The following CEP95 variants were observed in gnomAD, a reference collection of about 807,000 sequenced individuals.
The protein encoded by CEP95 is centrosomal protein 95.
CEP95 carries 98 observed loss-of-function variants against 111.2 expected under a neutral mutation model. That is an observed-to-expected ratio of 0.88 (90% CI 0.75 to 1.04). CEP95 has a LOEUF of 1.04. Among genes scored for constraint, CEP95 ranks in the 50% least tolerant of loss-of-function variants. CEP95 has a pLI of 0.00. For synonymous variants in CEP95, 323 were observed against 327.1 expected, an observed-to-expected ratio of 0.99 and a Z score of 0.14; for missense variants, 1,027 against 977.2, an observed-to-expected ratio of 1.05 and a Z score of -0.68.
chr17:64,509,998 A>G (rs1444664825), intron 2 of CEP95, among the ~76,000 whole-genome samples, 175 bp from the exon 3 acceptor site: 1 of 152,158 alleles, frequency 6.6e-6, no homozygotes, highest in African/African-American at 2.4e-5. Flanking sequence ...TCAACCAGTA[A>G]AGATTCTGCT....
At chr17:64,512,981 C>G (rs2038971360) in intron 3 of CEP95, among the ~76,000 whole-genome samples, 1 of 152,118 alleles carries the variant, frequency 6.6e-6, no homozygotes, top group Non-Finnish European at 1.5e-5. Flanking sequence ...AAAACAGTTT[C>G]TCCTGCAGCA....
At chr17:64,509,905 CTATA>C (rs149675660) in intron 2 of CEP95, among the ~76,000 whole-genome samples, 2 of 149,034 alleles carry the variant, frequency 1.3e-5, no homozygotes, top group Admixed American at 6.7e-5. Context: ...ATCTATATAT[CTATA>C]TATATATATA....
At position 64,508,194 on chromosome 17, in the gene CEP95, C is replaced by T. The variant is rs2038678317; in HGVS notation, c.20-398C>T. The T allele has an allele frequency of 3.0e-6, 3 of 985,290 alleles. No homozygotes were observed. In the South Asian group the frequency reaches 1.4e-4, roughly 46 times the overall value. The allele number at this position is 985,290 out of a possible 1,614,324, so 61.0% of individuals were successfully genotyped here. On this transcript the variant is annotated intron_variant, in intron 1 of 19. Transcript: ENST00000556440. ...ACTATTGCAAGTGCGAAGCAGCCTC[C>T]ATTAATGAGTTTCTGGTAACCTCGG... is the stretch of plus-strand genomic sequence containing the variant.
chr17:64,533,083 T>A (rs782042230), intron 15 of CEP95, 34 bp from the exon 16 acceptor site: 3 of 1,607,480 alleles, frequency 1.9e-6, no homozygotes, highest in Non-Finnish European at 2.5e-6. Flanking sequence ...TGAACAGCAT[T>A]ATTAACCTAC....
At position 64,532,612 on chromosome 17, in the gene CEP95, C is replaced by G. The variant is rs1484362897; in HGVS notation, c.1673-227C>G. ...CGGCTGAGCAATTAGGATGGACTTC[C>G]CAGGACCAGCATGGCATCAATCCAG... On this transcript the variant is annotated intron_variant, in intron 14 of 19. Transcript: ENST00000556440. 14 of 1,316,454 alleles carry G rather than the reference C, an allele frequency of 1.1e-5. No homozygotes were observed. In the African/African-American group the frequency reaches 2.1e-4, roughly 20 times the overall value. 81.5% of individuals were successfully genotyped at this position (1,316,454 alleles called of 1,614,324 possible).
chr17:64,526,292 T>C (rs1967812390), intron 10 of CEP95, 92 bp downstream of exon 10: 14 of 1,259,808 alleles, frequency 1.1e-5, no homozygotes, highest in South Asian at 1.7e-5. Flanking sequence ...ATTAGAAAAT[T>C]AGTTGTGTCT....
chr17:64,518,076 C>T (rs1023362362), intron 5 of CEP95, among the ~76,000 whole-genome samples: 4 of 151,902 alleles, frequency 2.6e-5, no homozygotes, highest in East Asian at 1.9e-4. Context: ...GAGTTTTCAC[C>T]GTGTTGGCAA....
chr17:64,520,909 A>G (rs1555677572), intron 6 of CEP95, among the ~76,000 whole-genome samples: 3 of 152,174 alleles, frequency 2.0e-5, no homozygotes, highest in African/African-American at 4.8e-5. Context: ...ATGATTCTGG[A>G]TTACAAAATG....
At chr17:64,522,649 T>C in intron 7 of CEP95, 53 bp from the exon 8 acceptor site, 1 of 1,272,202 alleles carries the variant, frequency 7.9e-7, no homozygotes, top group East Asian at 2.3e-5. Context: ...GTATATAAAA[T>C]GGTTTATTTC....
At position 64,516,835 on chromosome 17, in the gene CEP95, C is replaced by CT. The variant is rs1473503847; in HGVS notation, c.473+9dup. On this transcript the variant is annotated splice_region_variant and intron_variant, in intron 5 of 19. Transcript: ENST00000556440. ...AAAGAGTTTCTTTTGGGAGGTAGCA[C>CT]TTAGTGTCTCTGAATTTGATGAAAA... 1 of 1,471,682 alleles carries CT rather than the reference C, an allele frequency of 6.8e-7. No individual in the cohort carries two copies. Among genetic ancestry groups the CT allele is most frequent in the Non-Finnish European group, 9.5e-7 (1 of 1,053,444 alleles). 91.2% of individuals were successfully genotyped at this position (1,471,682 alleles called of 1,614,324 possible).
At chr17:64,536,544 T>G in intron 17 of CEP95, 58 bp from the exon 18 acceptor site, 1 of 1,349,246 alleles carries the variant, frequency 7.4e-7, no homozygotes, top group Non-Finnish European at 1.0e-6. Context: ...AGTATATACC[T>G]CTAGTTGGCC....
At chr17:64,529,502 A>T (rs1280991703) in intron 12 of CEP95, 75 bp downstream of exon 12, 1 of 1,457,558 alleles carries the variant, frequency 6.9e-7, no homozygotes, top group African/African-American at 1.4e-5. Context: ...TACCATGAAC[A>T]TGCTGTTGAT....
At chr17:64,534,422 G>T (rs1387972127) in intron 16 of CEP95, 163 bp from the exon 17 acceptor site, 2 of 597,514 alleles carry the variant, frequency 3.3e-6, no homozygotes, top group East Asian at 5.7e-5. Context: ...TCAGATTGAG[G>T]TGATAAAGCT....
chr17:64,537,598 T>A lies in CEP95; in HGVS notation c.2290-5T>A. On this transcript the variant is annotated splice_region_variant and splice_polypyrimidine_tract_variant and intron_variant, in intron 19 of 19. Coordinates refer to ENST00000556440, the MANE Select transcript of CEP95 (RefSeq NM_138363.3). The stretch of plus-strand genomic sequence containing the variant: ...ACAGCGGGATGACATGCCTTCTTTT[T>A]TCAGACATTACATAAGGTGAAGAGG... 1 of 1,583,458 alleles carries A rather than the reference T, an allele frequency of 6.3e-7. No homozygotes were observed. Among genetic ancestry groups the A allele is most frequent in the South Asian group, 1.2e-5 (1 of 86,808 alleles).
At chr17:64,535,141 C>T (rs1252546467) in intron 17 of CEP95, 1 of 213,968 alleles carries the variant, frequency 4.7e-6, no homozygotes, top group African/African-American at 2.3e-5. Flanking sequence ...TTTGCTATGT[C>T]ATCCTAATCA....
intron 2 of CEP95, among the ~76,000 whole-genome samples, chr17:64,509,782 AT>A (rs2038789843): frequency 1.3e-5 from 2 of 151,874 alleles, no homozygotes; most frequent in South Asian, 4.1e-4. Context: ...GCCCATAGTT[AT>A]GGGTTAAAGT....
intron 17 of CEP95, 99 bp downstream of exon 17, chr17:64,534,836 C>T: frequency 7.0e-7 from 1 of 1,420,466 alleles, no homozygotes; most frequent in Non-Finnish European, 9.7e-7. Context: ...AATTTGAATC[C>T]AAAATCTAAA....
chr17:64,515,055 A>T, intron 4 of CEP95, among the ~76,000 whole-genome samples: 1 of 152,182 alleles, frequency 6.6e-6, no homozygotes, highest in East Asian at 1.9e-4. Context: ...TAAAGTCTTT[A>T]GTTAGAGATA....
intron 16 of CEP95, among the ~76,000 whole-genome samples, chr17:64,533,580 C>G (rs1968438950): frequency 6.6e-6 from 1 of 152,140 alleles, no homozygotes; most frequent in Non-Finnish European, 1.5e-5. Flanking sequence ...GCACTCCAGC[C>G]TGGGTGCCAG....
Sources: allele counts gnomAD v4.1 joint callset (sites outside exome capture counted in the v4.1 genomes callset), GRCh38; gene constraint gnomAD v4.1.1; transcripts MANE v1.5; gene names NCBI Gene and HGNC (gene_info 2026-07-23, HGNC 2026-07-21).